The following ECHDC1 variants were observed in gnomAD, a reference collection of about 807,000 sequenced individuals.
The protein encoded by ECHDC1 is ethylmalonyl-CoA decarboxylase.
Under a neutral mutation model 29.7 loss-of-function variants are expected in ECHDC1, and 29 were observed. The ratio of observed to expected loss-of-function variants is 0.98; its 90% CI spans 0.73 to 1.33. The LOEUF is 1.33. Ranked by LOEUF, ECHDC1 falls within the 40% of genes most tolerant of loss-of-function variation. ECHDC1 has a pLI of 0.00. For synonymous variants in ECHDC1, 126 were observed against 123.1 expected, an observed-to-expected ratio of 1.02 and a Z score of -0.15; for missense variants, 328 against 350.0, an observed-to-expected ratio of 0.94 and a Z score of 0.50.
At chr6:127,305,219 T>C (rs1392817053) in intron 5 of ECHDC1, among the ~76,000 whole-genome samples, 2 of 152,196 alleles carry the variant, frequency 1.3e-5, no homozygotes, top group African/African-American at 4.8e-5. Flanking sequence ...CCAATATGTC[T>C]GGGAGAAGAC....
chr6:127,301,863 T>A (rs1403808645), intron 5 of ECHDC1, among the ~76,000 whole-genome samples: 1 of 152,058 alleles, frequency 6.6e-6, no homozygotes, highest in East Asian at 1.9e-4. Context: ...ACTAGAAAAA[T>A]GAAACAAAAA....
At chr6:127,332,429 C>G (rs1364850003) in intron 1 of ECHDC1, among the ~76,000 whole-genome samples, 1 of 152,102 alleles carries the variant, frequency 6.6e-6, no homozygotes, top group Non-Finnish European at 1.5e-5. Context: ...TCAGGAGGTT[C>G]TGACCACATG....
At chr6:127,311,703 AG>A (rs1401248912) in intron 5 of ECHDC1, among the ~76,000 whole-genome samples, 184 of 58,258 alleles carry the variant, frequency 3.2e-3, no homozygotes, top group African/African-American at 0.01. Context: ...AAAAAAGAAA[AG>A]AAAAAAGAAA....
intron 5 of ECHDC1, among the ~76,000 whole-genome samples, chr6:127,294,200 GA>G (rs1238740588): frequency 2.0e-5 from 3 of 152,142 alleles, no homozygotes; most frequent in African/African-American, 7.2e-5. Flanking sequence ...TGGAATCACT[GA>G]TTTAAATATA....
intron 2 of ECHDC1, among the ~76,000 whole-genome samples, chr6:127,327,781 C>T (rs1783495175): frequency 1.3e-5 from 2 of 152,152 alleles, no homozygotes; most frequent in Non-Finnish European, 2.9e-5. Flanking sequence ...AGATTGTTAC[C>T]TTGATATTAC....
chr6:127,323,425 A>C (rs1783015866), intron 3 of ECHDC1, among the ~76,000 whole-genome samples: 1 of 152,172 alleles, frequency 6.6e-6, no homozygotes, highest in Admixed American at 6.5e-5. Flanking sequence ...CATCTCATTA[A>C]TGATAATGTT....
In ECHDC1 at chr6:127,342,495, A is replaced by C. The variant is rs946423693; in HGVS notation, c.-3+841T>G. 1.6e-5 allele frequency: 15 copies of C among 930,574 alleles called. No individual in the cohort carries two copies. The African/African-American group carries it at 2.3e-4, about 14-fold the overall frequency. The allele number at this position is 930,574 out of a possible 1,614,324, so 57.6% of individuals were successfully genotyped here. A position where few individuals can be genotyped will look rare whatever the true frequency, so the allele number is the denominator to read the frequency against. On this transcript the variant is annotated intron_variant, in intron 1 of 5. Transcript: ENST00000454859. ...TCAAGAAAGGATCGCCCGTTCTATT[A>C]CTGCGCTGCTCCCTCCCCTCGTAGA...
chr6:127,334,734 C>T (rs1049864653), intron 1 of ECHDC1, among the ~76,000 whole-genome samples: 3 of 152,090 alleles, frequency 2.0e-5, no homozygotes, highest in African/African-American at 7.2e-5. Flanking sequence ...CCCTCATTAA[C>T]CTGGTAAATC....
chr6:127,326,952 C>T (rs1351128800), intron 3 of ECHDC1, 50 bp downstream of exon 3: 9 of 1,568,324 alleles, frequency 5.7e-6, no homozygotes, highest in East Asian at 2.3e-5. Context: ...ATCTGCCATA[C>T]ATGTCTAATA....
intron 3 of ECHDC1, among the ~76,000 whole-genome samples, chr6:127,324,718 G>A (rs1423417389): frequency 6.6e-6 from 1 of 152,140 alleles, no homozygotes; most frequent in Non-Finnish European, 1.5e-5. Flanking sequence ...AAAGGATAGG[G>A]GAGTGACAAA....
At position 127,314,844 on chromosome 6, in the gene ECHDC1, C is replaced by A; in HGVS notation, c.469G>T (p.Ala157Ser). The A allele has an allele frequency of 9.3e-6, 15 of 1,611,144 alleles. No individual in the cohort carries two copies. Among genetic ancestry groups the A allele is most frequent in the Non-Finnish European group, 1.3e-5 (15 of 1,178,716 alleles). ...AAATCACATGCTGTAGTAAATTCTG[C>A]TCCTCCACCCAATGCCCAACCTTGA... ...LVQGWALGGG[A>S]EFTTACDFRL... Residue 157 changes from alanine (A) to serine (S), a missense_variant, in exon 5 of 6, where the codon GCA becomes TCA. Transcript: ENST00000454859.
chr6:127,322,389 T>A (rs1394087210), intron 3 of ECHDC1, among the ~76,000 whole-genome samples: 1 of 152,124 alleles, frequency 6.6e-6, no homozygotes, highest in Admixed American at 6.6e-5. Context: ...GATTCACCAT[T>A]CCACATTTCC....
At chr6:127,342,625 C>T (rs1785053571) in intron 1 of ECHDC1, 1 of 449,934 alleles carries the variant, frequency 2.2e-6, no homozygotes, top group Non-Finnish European at 4.0e-6. Flanking sequence ...AGTTCCTCTG[C>T]ATACCTCTAG....
At chr6:127,292,461 C>A (rs1238792842) in intron 5 of ECHDC1, among the ~76,000 whole-genome samples, 1 of 151,862 alleles carries the variant, frequency 6.6e-6, no homozygotes, top group Non-Finnish European at 1.5e-5. Context: ...TGATCAAAAT[C>A]TAACATCCAT....
At position 127,326,998 on chromosome 6, in the gene ECHDC1, T is replaced by C. The variant is rs1388222001; in HGVS notation, c.363+4A>G. 3 of 1,612,520 alleles carry C rather than the reference T, an allele frequency of 1.9e-6. No homozygotes were observed. The highest frequency in any genetic ancestry group is 3.3e-5 in the Admixed American group (2 of 59,870). ...ATCAAATGCATAATTCATATAACAC[T>C]TGCCTCTGGAGTTCCTAGTGATTTC... On this transcript the variant is annotated splice_donor_region_variant and intron_variant, in intron 3 of 5. Transcript: ENST00000454859.
chr6:127,328,024 T>G lies in ECHDC1; in HGVS notation c.221-880A>C, dbSNP rs558617423. On this transcript the variant is annotated intron_variant, in intron 2 of 5. Coordinates refer to ENST00000454859, the MANE Select transcript of ECHDC1 (RefSeq NM_001002030.2). ...CAGCGGGTTAAAACTGGCAAAAAATTTGTACCACAAGGTTCCAAAAGATGG... is the reference window on the plus strand; with the variant it reads ...CAGCGGGTTAAAACTGGCAAAAAATGTGTACCACAAGGTTCCAAAAGATGG... Among the ~76,000 whole-genome samples, 6 of 152,362 alleles carry G rather than the reference T, an allele frequency of 3.9e-5. No homozygotes were observed. The South Asian group carries it at 1.2e-3, about 32-fold the overall frequency.
At chr6:127,320,900 GA>G (rs1308093875) in intron 3 of ECHDC1, among the ~76,000 whole-genome samples, 4 of 149,146 alleles carry the variant, frequency 2.7e-5, no homozygotes, top group East Asian at 1.9e-4. Flanking sequence ...ACACTTAAAA[GA>G]AAAAAAAAGT....
chr6:127,327,240 T>G (rs2114667452), intron 2 of ECHDC1, 96 bp from the exon 3 acceptor site: 1 of 1,326,222 alleles, frequency 7.5e-7, no homozygotes, highest in African/African-American at 1.5e-5. Flanking sequence ...TACTCTTAGG[T>G]CCTATATTTT....
chr6:127,327,065 C>T lies in ECHDC1; in HGVS notation c.300G>A (p.Gly100=), dbSNP rs768443270. Residue 100 remains glycine, a synonymous_variant, in exon 3 of 6, where the codon GGG becomes GGA. Coordinates refer to ENST00000454859, the MANE Select transcript of ECHDC1 (RefSeq NM_001002030.2). The part of the protein sequence containing the change: ...WTEGKGLIVR[G]AKNTFSSGSD... ...ATCCTGAAGAGAAAGTATTTTTTGCCCCACGGACAATGAGGCCTTTCCCCT... is the reference window on the plus strand; with the variant it reads ...ATCCTGAAGAGAAAGTATTTTTTGCTCCACGGACAATGAGGCCTTTCCCCT... The T allele has an allele frequency of 3.1e-6, 5 of 1,612,902 alleles. No individual in the cohort carries two copies. The highest frequency in any genetic ancestry group is 2.7e-5 in the African/African-American group (2 of 74,728).
Sources: gnomAD v4.1 joint callset for allele counts (sites outside exome capture counted in the v4.1 genomes callset) on GRCh38, gnomAD v4.1.1 for gene constraint, MANE v1.5 for transcripts, NCBI Gene and HGNC (gene_info 2026-07-23, HGNC 2026-07-21) for gene names.